Variants in YTHDC1 observed in about 807,000 individuals in gnomAD.
The protein encoded by YTHDC1 is YTH domain-containing protein 1.
A neutral mutation model predicts 107.0 loss-of-function variants in YTHDC1; 12 were observed. That is an observed-to-expected ratio of 0.11 (90% confidence interval 0.07 to 0.18). YTHDC1 has a LOEUF of 0.18. YTHDC1 is among the 10% of genes least tolerant of loss of function. The pLI is 1.00. For missense variants in YTHDC1, 635 were observed against 898.8 expected (o/e 0.71, Z 3.75); for synonymous variants, 280 against 289.5 (o/e 0.97, Z 0.33).
At chr4:68,317,424 A>G (rs748723541) in intron 15 of YTHDC1, among the ~76,000 whole-genome samples, 3 of 152,318 alleles carry the variant, frequency 2.0e-5, no homozygotes, top group Middle Eastern at 3.4e-3. Flanking sequence ...AAGTGAAACA[A>G]AAGTCAGATG....
chr4:68,349,824 C>T lies in YTHDC1; in HGVS notation c.-71G>A, dbSNP rs542175214. 2.9e-5 allele frequency: 46 copies of T among 1,606,910 alleles called. No homozygotes were observed. Among genetic ancestry groups the T allele is most frequent in the Non-Finnish European group, 3.7e-5 (43 of 1,176,004 alleles). On this transcript the variant is annotated 5_prime_UTR_variant, in exon 1 of 17. Coordinates refer to ENST00000344157, the MANE Select transcript of YTHDC1 (RefSeq NM_001031732.4). ...ACGCGACTCGCGCGGGCGCCGCAGC[C>T]GCGGCAGAAGCACGGGCCCGTCCGT...
chr4:68,342,249 G>T (rs1218935557), intron 1 of YTHDC1, among the ~76,000 whole-genome samples: 1 of 152,174 alleles, frequency 6.6e-6, no homozygotes, highest in Non-Finnish European at 1.5e-5. Flanking sequence ...TCATCTGAAG[G>T]CTTGTTCATT....
chr4:68,343,552 T>C (rs1362048402), intron 1 of YTHDC1, among the ~76,000 whole-genome samples: 2 of 149,994 alleles, frequency 1.3e-5, no homozygotes, highest in Non-Finnish European at 3.0e-5. Flanking sequence ...AATTTTTTTT[T>C]TTTTTGAGAC....
In YTHDC1 at chr4:68,312,897, CTA is replaced by C. The variant is rs1560465354; in HGVS notation, c.*1200_*1201del. 1.3e-5 allele frequency: 2 copies of C among 152,150 alleles called. No individual in the cohort carries two copies. Among genetic ancestry groups the C allele is most frequent in the Non-Finnish European group, 2.9e-5 (2 of 68,018 alleles). 9.4% of individuals were successfully genotyped at this position (152,150 alleles called of 1,614,324 possible). A position where few individuals can be genotyped will look rare whatever the true frequency, so the allele number is the denominator to read the frequency against. On this transcript the variant is annotated 3_prime_UTR_variant, in exon 17 of 17. Transcript: ENST00000344157. ...ACTGTTTTCTTGAGCGGCTCTATTT[CTA>C]TGTTATAGTTGGTTACCACTGGGAG... is the stretch of plus-strand genomic sequence containing the variant.
rs556826451 is a variant in YTHDC1 at position 68,312,887 on chromosome 4, G to A, written c.*1212C>T. The A allele has an allele frequency of 2.0e-5, 3 of 152,146 alleles. No homozygotes were observed. The highest frequency in any genetic ancestry group is 1.9e-4 in the East Asian group (1 of 5,196). The allele number at this position is 152,146 out of a possible 1,614,324, so 9.4% of individuals were successfully genotyped here. On this transcript the variant is annotated 3_prime_UTR_variant, in exon 17 of 17. Coordinates refer to ENST00000344157, the MANE Select transcript of YTHDC1 (RefSeq NM_001031732.4). ...TATTTCATAAACTGTTTTCTTGAGC[G>A]GCTCTATTTCTATGTTATAGTTGGT...
chr4:68,336,711 TA>T (rs929068481), intron 4 of YTHDC1, among the ~76,000 whole-genome samples: 10 of 152,230 alleles, frequency 6.6e-5, no homozygotes, highest in Non-Finnish European at 1.3e-4. Flanking sequence ...CATCAGTGTT[TA>T]AATAAACTGC....
At chr4:68,338,595 A>G (rs1424284396) in intron 1 of YTHDC1, among the ~76,000 whole-genome samples, 1 of 152,258 alleles carries the variant, frequency 6.6e-6, no homozygotes, top group Non-Finnish European at 1.5e-5. Context: ...TCATGCCTGC[A>G]ATCCCAGCAC....
At chr4:68,339,885 T>C (rs936898113) in intron 1 of YTHDC1, among the ~76,000 whole-genome samples, 2 of 152,180 alleles carry the variant, frequency 1.3e-5, no homozygotes, top group Admixed American at 1.3e-4. Context: ...CTCAGTTTTG[T>C]CCCCACTTCT....
At chr4:68,320,941 G>A (rs1455538341) in intron 11 of YTHDC1, among the ~76,000 whole-genome samples, 2 of 151,712 alleles carry the variant, frequency 1.3e-5, no homozygotes, top group Non-Finnish European at 2.9e-5. Flanking sequence ...GGCAAGTAAT[G>A]GGTCAGAATT....
At chr4:68,316,210 A>C in intron 16 of YTHDC1, 104 bp downstream of exon 16, 2 of 1,285,120 alleles carry the variant, frequency 1.6e-6, no homozygotes, top group Admixed American at 2.5e-5. Flanking sequence ...TGCAGTAAGA[A>C]TATGCAATGG....
At chr4:68,326,014 C>G (rs558814190) in intron 9 of YTHDC1, among the ~76,000 whole-genome samples, 86 of 152,146 alleles carry the variant, frequency 5.7e-4, no homozygotes, top group Non-Finnish European at 9.0e-4. Flanking sequence ...AGGCAGAGAT[C>G]TAGTTTTCTT....
At chr4:68,317,903 A>G (rs1009778600) in intron 15 of YTHDC1, among the ~76,000 whole-genome samples, 1 of 152,224 alleles carries the variant, frequency 6.6e-6, no homozygotes, top group Non-Finnish European at 1.5e-5. Flanking sequence ...AGGAAAACTA[A>G]GAGTTGTATT....
Position 68,322,706 on chromosome 4 carries a change from T to G in YTHDC1, c.1601+43A>C. The G allele has an allele frequency of 6.3e-7, 1 of 1,595,692 alleles. No individual in the cohort carries two copies. ...GAATCATATTCCTCCATCATGTTAT[T>G]CTGATACATGTGCCTATTATCAGTC... On this transcript the variant is annotated intron_variant, in intron 11 of 16. Transcript: ENST00000344157. The surrounding 1 kb of genome is among the most constrained non-coding windows in gnomAD (Gnocchi z 4.8).
intron 9 of YTHDC1, among the ~76,000 whole-genome samples, chr4:68,324,903 T>C (rs1373303932): frequency 6.6e-6 from 1 of 152,180 alleles, no homozygotes; most frequent in Non-Finnish European, 1.5e-5. Context: ...CATGACAAAA[T>C]GGTCTCACCA....
chr4:68,343,248 G>C (rs1358294743), intron 1 of YTHDC1, among the ~76,000 whole-genome samples: 2 of 151,636 alleles, frequency 1.3e-5, no homozygotes, highest in African/African-American at 4.8e-5. Context: ...ACCCAGGCTG[G>C]AGTGCAGTGG....
chr4:68,318,408 A>C (rs1722094492), intron 15 of YTHDC1, 111 bp downstream of exon 15: 5 of 1,116,010 alleles, frequency 4.5e-6, no homozygotes, highest in Admixed American at 5.6e-5. Flanking sequence ...GCGCCTGGCC[A>C]GTTTAAGTCT....
At position 68,318,678 on chromosome 4, in the gene YTHDC1, T is replaced by C. The variant is rs201228485; in HGVS notation, c.1761+12A>G. 1.8e-5 allele frequency: 29 copies of C among 1,613,848 alleles called. No individual in the cohort carries two copies. Among genetic ancestry groups the C allele is most frequent in the African/African-American group, 6.7e-5 (5 of 75,040 alleles). ...TTTTATCCACATTAAATAGATAAAA[T>C]GAAATGCTTACCCCATTTAAAAACA... is the stretch of plus-strand genomic sequence containing the variant. On this transcript the variant is annotated intron_variant, in intron 14 of 16. Coordinates refer to ENST00000344157, the MANE Select transcript of YTHDC1 (RefSeq NM_001031732.4).
Position 68,314,016 on chromosome 4 carries a change from T to G in YTHDC1, c.*83A>C. On this transcript the variant is annotated 3_prime_UTR_variant, in exon 17 of 17. Transcript: ENST00000344157. ...AACTTCATAGGCAGACAGCTGAAAA[T>G]AAATTTACTACTTGTAAACACACAC... The G allele has an allele frequency of 1.4e-6, 2 of 1,393,958 alleles. No individual in the cohort carries two copies. Among genetic ancestry groups the G allele is most frequent in the Non-Finnish European group, 2.0e-6 (2 of 1,006,516 alleles). The allele number at this position is 1,393,958 out of a possible 1,614,324, so 86.3% of individuals were successfully genotyped here.
intron 1 of YTHDC1, chr4:68,343,965 T>C (rs1265387274): frequency 6.6e-6 from 1 of 152,178 alleles, no homozygotes; most frequent in Non-Finnish European, 1.5e-5. Context: ...AGCTCTTGAA[T>C]GCTGTTTTTA....
Sources: gnomAD v4.1 joint callset for allele counts (sites outside exome capture counted in the v4.1 genomes callset) on GRCh38, gnomAD v4.1.1 for gene constraint, Gnocchi (gnomAD v3.1) non-coding constraint, MANE v1.5 for transcripts, NCBI Gene and HGNC (gene_info 2026-07-23, HGNC 2026-07-21) for gene names.